LRMDA: variants seen among roughly 807,000 people sequenced by gnomAD.
LRMDA encodes the protein leucine-rich melanocyte differentiation-associated protein.
LRMDA carries 18 observed loss-of-function variants against 29.8 expected under a neutral mutation model. That is an observed-to-expected ratio of 0.60 (90% CI 0.42 to 0.90). The LOEUF (loss-of-function observed/expected upper bound fraction) is 0.90, where lower values mean the gene tolerates loss of function less well. Ranked by LOEUF, LRMDA falls within the 40% of genes least tolerant of loss-of-function variation. The pLI, the probability that LRMDA is intolerant of heterozygous loss-of-function variation, is 0.00. For synonymous variants in LRMDA, 125 were observed against 109.4 expected, an observed-to-expected ratio of 1.14 and a Z score of -0.89; for missense variants, 273 against 273.9, an observed-to-expected ratio of 1.00 and a Z score of 0.02.
chr10:76,534,468 C>A (rs1336913061), intron 6 of LRMDA, among the ~76,000 whole-genome samples: 2 of 152,142 alleles, frequency 1.3e-5, no homozygotes, highest in African/African-American at 4.8e-5. Flanking sequence ...AATGAGAGGA[C>A]TCAATAGGAG....
At chr10:75,440,698 A>G (rs528641767) in intron 2 of LRMDA, among the ~76,000 whole-genome samples, 35 of 152,290 alleles carry the variant, frequency 2.3e-4, no homozygotes, top group Admixed American at 8.5e-4. Flanking sequence ...AGCTGAATCA[A>G]CATCTAAGAT....
At chr10:75,667,102 A>G (rs1020366980) in intron 2 of LRMDA, among the ~76,000 whole-genome samples, 1 of 152,196 alleles carries the variant, frequency 6.6e-6, no homozygotes, top group African/African-American at 2.4e-5. Context: ...GTGTGCTATA[A>G]TATTGAAATA....
chr10:75,643,020 G>C (rs577465779), intron 2 of LRMDA: 122 of 152,228 alleles, frequency 8.0e-4, no homozygotes, highest in African/African-American at 2.7e-3. Context: ...TGATGCTAAG[G>C]GCTGGGATTA....
intron 2 of LRMDA, among the ~76,000 whole-genome samples, chr10:75,441,972 G>C (rs1198562412): frequency 1.3e-5 from 2 of 152,156 alleles, no homozygotes; most frequent in South Asian, 2.1e-4. Context: ...CCTTTAGAAG[G>C]AGCAAATATG....
At chr10:76,515,156 T>C (rs1347154530) in intron 6 of LRMDA, among the ~76,000 whole-genome samples, 1 of 152,236 alleles carries the variant, frequency 6.6e-6, no homozygotes, top group Admixed American at 6.5e-5. Flanking sequence ...GTGCTGTTTC[T>C]GCTTCTGTTC....
chr10:76,533,353 T>C (rs549692650), intron 6 of LRMDA, among the ~76,000 whole-genome samples: 2 of 152,340 alleles, frequency 1.3e-5, no homozygotes, highest in South Asian at 4.1e-4. Flanking sequence ...GATTCTACCA[T>C]GAAAAACAAT....
intron 2 of LRMDA, among the ~76,000 whole-genome samples, chr10:75,473,196 G>A (rs1285390860): frequency 2.6e-5 from 4 of 152,236 alleles, no homozygotes; most frequent in Admixed American, 1.3e-4. Context: ...GAGATTGGAT[G>A]TAAATCAAAG....
chr10:76,363,269 A>G (rs1485078543), intron 6 of LRMDA, among the ~76,000 whole-genome samples: 1 of 36,398 alleles, frequency 2.7e-5, no homozygotes, highest in East Asian at 3.0e-4. Context: ...GAAGGAAGGA[A>G]GGAAGGAAAG....
chr10:76,324,629 A>G lies in LRMDA; in HGVS notation c.601+144A>G, dbSNP rs999707539. 12 of 673,304 alleles carry G rather than the reference A, an allele frequency of 1.8e-5. No individual in the cohort carries two copies. The African/African-American group carries it at 2.2e-4, about 12-fold the overall frequency. The allele number at this position is 673,304 out of a possible 1,614,324, so 41.7% of individuals were successfully genotyped here. A position where few individuals can be genotyped will look rare whatever the true frequency, so the allele number is the denominator to read the frequency against. On this transcript the variant is annotated intron_variant, in intron 6 of 6. Transcript: ENST00000611255. ...CCTTGATGAGAAAACCATACCTGTC[A>G]CACGTAGTGATTTTAACCCATATTA...
chr10:76,312,550 C>CA (rs971262004), intron 5 of LRMDA, among the ~76,000 whole-genome samples: 5 of 152,044 alleles, frequency 3.3e-5, no homozygotes, highest in Admixed American at 2.6e-4. Context: ...TCTTTTAAGC[C>CA]AAAATAAATC....
At chr10:76,095,441 T>G (rs752205197) in intron 5 of LRMDA, among the ~76,000 whole-genome samples, 7 of 152,260 alleles carry the variant, frequency 4.6e-5, no homozygotes, top group Non-Finnish European at 8.8e-5. Context: ...AACATTTGCA[T>G]AGAATTTTTG....
intron 2 of LRMDA, among the ~76,000 whole-genome samples, chr10:75,740,745 A>G (rs1842818859): frequency 6.6e-6 from 1 of 152,194 alleles, no homozygotes; most frequent in African/African-American, 2.4e-5. Flanking sequence ...AGTGGTGCTT[A>G]GTAAGTAGCC....
At chr10:75,908,730 C>A (rs1445320014) in intron 2 of LRMDA, among the ~76,000 whole-genome samples, 2 of 152,116 alleles carry the variant, frequency 1.3e-5, no homozygotes, top group African/African-American at 4.8e-5. Context: ...TCTTGCTCCA[C>A]GTGGGATCAT....
chr10:76,338,674 A>G (rs1376003658), intron 6 of LRMDA, among the ~76,000 whole-genome samples: 1 of 151,622 alleles, frequency 6.6e-6, no homozygotes, highest in Middle Eastern at 3.2e-3. Context: ...GAACTAGACT[A>G]AAAGACAGAG....
At chr10:76,005,961 G>A (rs1433928406) in intron 2 of LRMDA, among the ~76,000 whole-genome samples, 5 of 135,056 alleles carry the variant, frequency 3.7e-5, no homozygotes, top group African/African-American at 1.2e-4. Flanking sequence ...ATAAATAAAT[G>A]AACCAGCTGA....
At chr10:75,533,889 A>G (rs1400200300) in intron 2 of LRMDA, among the ~76,000 whole-genome samples, 3 of 152,202 alleles carry the variant, frequency 2.0e-5, no homozygotes, top group Admixed American at 6.5e-5. Flanking sequence ...GACAAAATAA[A>G]ATGTACATGC....
intron 2 of LRMDA, among the ~76,000 whole-genome samples, chr10:76,030,834 G>A (rs1440730191): frequency 6.6e-6 from 1 of 152,320 alleles, no homozygotes; most frequent in African/African-American, 2.4e-5. Flanking sequence ...TTTAGTGGGA[G>A]ATGAGTGGTC....
chr10:75,772,301 T>C (rs1843251268), intron 2 of LRMDA, among the ~76,000 whole-genome samples: 1 of 152,250 alleles, frequency 6.6e-6, no homozygotes, highest in Non-Finnish European at 1.5e-5. Flanking sequence ...AGTATTTAAG[T>C]CAGTCTTATA....
chr10:75,576,211 G>C (rs970242686), intron 2 of LRMDA, among the ~76,000 whole-genome samples: 2 of 152,208 alleles, frequency 1.3e-5, no homozygotes, highest in African/African-American at 4.8e-5. Context: ...GCTGAGGCTT[G>C]AATAGGTGGT....
Sources: gnomAD v4.1 joint callset for allele counts (sites outside exome capture counted in the v4.1 genomes callset) on GRCh38, gnomAD v4.1.1 for gene constraint, MANE v1.5 for transcripts, NCBI Gene and HGNC (gene_info 2026-07-23, HGNC 2026-07-21) for gene names.